GABRA3: variants seen among roughly 807,000 people sequenced by gnomAD.
GABRA3 encodes gamma-aminobutyric acid receptor subunit alpha-3.
A neutral mutation model predicts 30.1 loss-of-function variants in GABRA3; 10 were observed. The ratio of observed to expected loss-of-function variants is 0.33; its 90% CI spans 0.20 to 0.56. GABRA3 has a LOEUF of 0.56. Among genes scored for constraint, GABRA3 ranks in the 20% least tolerant of loss-of-function variants. The pLI is 0.89. For synonymous variants in GABRA3, 151 were observed against 146.8 expected (o/e 1.03, Z -0.21); for missense variants, 233 against 392.0 (o/e 0.59, Z 3.42).
chrX:152,197,836 A>C (rs746196866), intron 7 of GABRA3, 51 bp from the exon 8 acceptor site: 3 of 999,802 alleles, frequency 3.0e-6, no homozygotes, highest in Non-Finnish European at 4.1e-6. Context: ...ACATTGCTAA[A>C]TCAAGTTGGG....
chrX:152,367,465 C>T (rs886536832), intron 1 of GABRA3, among the ~76,000 whole-genome samples: 1 of 111,682 alleles, frequency 9.0e-6, no homozygotes. Flanking sequence ...ATTCACCCTA[C>T]TAAAGAGCTA....
At chrX:152,234,879 T>C (rs1475465428) in intron 5 of GABRA3, among the ~76,000 whole-genome samples, 1 of 112,030 alleles carries the variant, frequency 8.9e-6, no homozygotes, top group East Asian at 2.8e-4. Context: ...TATAGCCTTG[T>C]AGAATAATTT....
At chrX:152,241,679 T>C (rs1029384416) in intron 5 of GABRA3, among the ~76,000 whole-genome samples, 3 of 109,425 alleles carry the variant, frequency 2.7e-5, no homozygotes, top group South Asian at 4.1e-4. Flanking sequence ...TAGGACCCTC[T>C]GAGCCAGGTG....
chrX:152,363,715 A>G (rs1274038815), intron 2 of GABRA3, among the ~76,000 whole-genome samples: 1 of 112,212 alleles, frequency 8.9e-6, no homozygotes, highest in Non-Finnish European at 1.9e-5. Context: ...CAATCAAAAC[A>G]CCAGAGAATT....
intron 1 of GABRA3, among the ~76,000 whole-genome samples, chrX:152,428,205 C>T (rs950677009): frequency 8.9e-6 from 1 of 111,938 alleles, no homozygotes; most frequent in African/African-American, 3.2e-5. Flanking sequence ...CAATATACAA[C>T]TGGCCCCGTC....
chrX:152,443,905 C>T (rs972354912), intron 1 of GABRA3, among the ~76,000 whole-genome samples: 1 of 111,306 alleles, frequency 9.0e-6, no homozygotes, highest in African/African-American at 3.3e-5. Flanking sequence ...GGCTGCTGAC[C>T]GATGTGGGGA....
intron 1 of GABRA3, among the ~76,000 whole-genome samples, chrX:152,436,181 A>G (rs766150338): frequency 8.9e-6 from 1 of 112,045 alleles, no homozygotes; most frequent in South Asian, 3.7e-4. Context: ...TGATCAATTT[A>G]TCTGGAAATA....
intron 3 of GABRA3, among the ~76,000 whole-genome samples, chrX:152,327,853 G>C (rs897784032): frequency 9.0e-6 from 1 of 111,704 alleles, no homozygotes; most frequent in Non-Finnish European, 1.9e-5. Context: ...ACTAAGATCA[G>C]AGCAGAACTG....
intron 1 of GABRA3, among the ~76,000 whole-genome samples, chrX:152,439,946 T>G (rs1930879277): frequency 9.0e-6 from 1 of 111,465 alleles, no homozygotes; most frequent in Non-Finnish European, 1.9e-5. Flanking sequence ...GCAATACCAT[T>G]CAGAACATAG....
intron 4 of GABRA3, among the ~76,000 whole-genome samples, chrX:152,267,364 A>G (rs1255459429): frequency 8.9e-6 from 1 of 111,875 alleles, no homozygotes; most frequent in African/African-American, 3.2e-5. Context: ...GATGAATCTT[A>G]CTTGATTATG....
chrX:152,183,444 T>C lies in GABRA3; in HGVS notation c.1143+6286A>G, dbSNP rs187501807. On this transcript the variant is annotated intron_variant, in intron 9 of 9. Coordinates refer to ENST00000370314, the MANE Select transcript of GABRA3 (RefSeq NM_000808.4). Reference sequence around the variant, plus strand: ...TTTTATTTTTTGTATTTGAGTCTTCTCTCCTTTTTCTTAGTCTAAAGGTTT... The same window carrying C: ...TTTTATTTTTTGTATTTGAGTCTTCCCTCCTTTTTCTTAGTCTAAAGGTTT... Among the ~76,000 whole-genome samples, 9 of 110,266 alleles carry C rather than the reference T, an allele frequency of 8.2e-5. No homozygotes were observed. In the East Asian group the frequency reaches 2.6e-3, roughly 31 times the overall value.
At chrX:152,438,832 G>A (rs1244347353) in intron 1 of GABRA3, among the ~76,000 whole-genome samples, 5 of 111,479 alleles carry the variant, frequency 4.5e-5, no homozygotes, top group Non-Finnish European at 9.4e-5. Context: ...AGGGAGGGAT[G>A]AACAGGTATA....
chrX:152,199,194 A>G (rs5924727), intron 7 of GABRA3, among the ~76,000 whole-genome samples: 36,705 of 106,814 alleles, frequency 0.34, 6,325 homozygotes, highest in Non-Finnish European at 0.49. Context: ...GTGAAACCCC[A>G]TCTCTACTAA....
At chrX:152,361,882 T>C (rs1473198784) in intron 2 of GABRA3, among the ~76,000 whole-genome samples, 1 of 112,222 alleles carries the variant, frequency 8.9e-6, no homozygotes, top group Non-Finnish European at 1.9e-5. Context: ...AATACATTTT[T>C]AGAAAACTAT....
At chrX:152,422,850 A>G (rs1455947408) in intron 1 of GABRA3, among the ~76,000 whole-genome samples, 1 of 103,250 alleles carries the variant, frequency 9.7e-6, no homozygotes, top group Non-Finnish European at 2.0e-5. Flanking sequence ...GAAACTCGCT[A>G]GAAGAGTAGA....
At chrX:152,267,219 A>G (rs1938842230) in intron 4 of GABRA3, among the ~76,000 whole-genome samples, 1 of 111,977 alleles carries the variant, frequency 8.9e-6, no homozygotes. Flanking sequence ...TTTCATCATA[A>G]ATGGATGTTG....
At chrX:152,344,632 G>A (rs1940363864) in intron 3 of GABRA3, among the ~76,000 whole-genome samples, 1 of 111,748 alleles carries the variant, frequency 8.9e-6, no homozygotes, top group South Asian at 3.7e-4. Context: ...GCAGCAACCT[G>A]GTAAACATCT....
At position 152,313,408 on chromosome X, in the gene GABRA3, T is replaced by C. The variant is rs574762197; in HGVS notation, c.263-28673A>G. 2.1e-4 allele frequency among the ~76,000 whole-genome samples: 24 copies of C among 111,892 alleles called. No individual in the cohort carries two copies. The South Asian group carries it at 8.3e-3, about 39-fold the overall frequency. ...TGCCTTTATGTTCAGTCCCTTTATA[T>C]TGGTGCTTAAGTTGCACCATTTGCC... On this transcript the variant is annotated intron_variant, in intron 3 of 9. Transcript: ENST00000370314.
chrX:152,380,778 C>G (rs867866180), intron 1 of GABRA3, among the ~76,000 whole-genome samples: 1 of 111,654 alleles, frequency 9.0e-6, no homozygotes, highest in South Asian at 3.7e-4. Flanking sequence ...TTTATAAAAG[C>G]CTGCCTTACA....
Sources: allele counts gnomAD v4.1 joint callset (sites outside exome capture counted in the v4.1 genomes callset), GRCh38; gene constraint gnomAD v4.1.1; transcripts MANE v1.5; gene names NCBI Gene and HGNC (gene_info 2026-07-23, HGNC 2026-07-21).